The following HERC1 variants were observed in gnomAD, a reference collection of about 807,000 sequenced individuals.
The protein encoded by HERC1 is HECT and RLD domain containing E3 ubiquitin protein ligase family member 1, also known as probable E3 ubiquitin-protein ligase HERC1.
In HERC1, 160 loss-of-function variants were observed where a neutral mutation model predicts 554.3. The observed-to-expected ratio is 0.29, with a 90% CI of 0.25 to 0.33. The LOEUF is 0.33. HERC1 is among the 10% of genes least tolerant of loss of function. The pLI, the probability that HERC1 is intolerant of heterozygous loss-of-function variation, is 1.00. For synonymous variants in HERC1, 2,175 were observed against 2,131.7 expected, an observed-to-expected ratio of 1.02 and a Z score of -0.56; for missense variants, 4,919 against 5,918.5, an observed-to-expected ratio of 0.83 and a Z score of 5.54.
At chr15:63,751,595 G>A (rs1184070708) in intron 8 of HERC1, among the ~76,000 whole-genome samples, 1 of 152,184 alleles carries the variant, frequency 6.6e-6, no homozygotes, top group Non-Finnish European at 1.5e-5. Flanking sequence ...ATGGTGGGAA[G>A]TCAGTACAGA....
intron 2 of HERC1, among the ~76,000 whole-genome samples, chr15:63,764,822 A>C (rs975515453): frequency 6.6e-6 from 1 of 152,204 alleles, no homozygotes; most frequent in Non-Finnish European, 1.5e-5. Flanking sequence ...AAAAACCCTG[A>C]AACTTGTGAT....
intron 14 of HERC1, among the ~76,000 whole-genome samples, 177 bp from the exon 15 acceptor site, chr15:63,729,826 C>T (rs1384759557): frequency 6.6e-6 from 1 of 151,718 alleles, no homozygotes; most frequent in Admixed American, 6.6e-5. Flanking sequence ...AGGTTGAGAC[C>T]AGCCTGGCCA....
chr15:63,617,696 C>T (rs2067884228), intron 74 of HERC1, among the ~76,000 whole-genome samples: 1 of 152,144 alleles, frequency 6.6e-6, no homozygotes, highest in Non-Finnish European at 1.5e-5. Flanking sequence ...TTAATGATCG[C>T]CATTCTAATT....
chr15:63,824,727 T>C (rs1003706459), intron 1 of HERC1, among the ~76,000 whole-genome samples: 5 of 151,748 alleles, frequency 3.3e-5, no homozygotes, highest in African/African-American at 7.3e-5. Context: ...TATAAAGAAA[T>C]TGTGATACAA....
intron 55 of HERC1, 113 bp downstream of exon 55, chr15:63,647,956 T>A (rs904364480): frequency 1.8e-5 from 15 of 817,066 alleles, no homozygotes; most frequent in Non-Finnish European, 2.7e-5. Context: ...ACAATGTATG[T>A]CATTTGGGTG....
chr15:63,810,598 A>T (rs1445582982), intron 1 of HERC1, among the ~76,000 whole-genome samples: 1 of 152,222 alleles, frequency 6.6e-6, no homozygotes. Flanking sequence ...TATACTATGT[A>T]AGTTTCTTAA....
intron 23 of HERC1, among the ~76,000 whole-genome samples, chr15:63,713,115 C>T (rs184385181): frequency 1.3e-5 from 2 of 152,368 alleles, no homozygotes; most frequent in African/African-American, 2.4e-5. Context: ...TGCTTTTTCA[C>T]TGCTGTTGTT....
intron 26 of HERC1, among the ~76,000 whole-genome samples, chr15:63,696,934 A>T (rs986118890): frequency 3.0e-5 from 3 of 98,788 alleles, no homozygotes; most frequent in Admixed American, 9.3e-5. Context: ...CTTCTTCTTT[A>T]AAAAAAAAAA....
At chr15:63,771,322 T>A (rs2075949435) in intron 2 of HERC1, among the ~76,000 whole-genome samples, 1 of 152,186 alleles carries the variant, frequency 6.6e-6, no homozygotes, top group Non-Finnish European at 1.5e-5. Flanking sequence ...AAAACCAAGC[T>A]GAGATTTAAT....
intron 17 of HERC1, among the ~76,000 whole-genome samples, chr15:63,726,264 G>A (rs957882714): frequency 3.9e-5 from 6 of 152,192 alleles, no homozygotes; most frequent in African/African-American, 9.7e-5. Context: ...TTATAGGCAT[G>A]AGCCATCATG....
intron 1 of HERC1, among the ~76,000 whole-genome samples, chr15:63,795,381 T>C (rs947676068): frequency 1.3e-5 from 2 of 152,060 alleles, no homozygotes; most frequent in African/African-American, 4.8e-5. Flanking sequence ...TTCAGAAATG[T>C]GTATGAGAGA....
At chr15:63,656,054 A>G (rs1454369436) in intron 49 of HERC1, 34 bp downstream of exon 49, 2 of 1,604,774 alleles carry the variant, frequency 1.2e-6, no homozygotes, top group Non-Finnish European at 1.7e-6. Context: ...AGAAATAATC[A>G]ATGTAACGGG....
At chr15:63,611,940 T>C (rs1411529625) in intron 77 of HERC1, among the ~76,000 whole-genome samples, 1 of 152,160 alleles carries the variant, frequency 6.6e-6, no homozygotes, top group African/African-American at 2.4e-5. Context: ...ATCCCAGCAC[T>C]TTGGGAGGCC....
rs191420557 is a variant in HERC1 at position 63,655,667 on chromosome 15, C to T, written c.10084+75G>A. 5.8e-6 allele frequency: 6 copies of T among 1,040,978 alleles called. No homozygotes were observed. In the East Asian group the frequency reaches 7.9e-5, roughly 14 times the overall value. The allele number at this position is 1,040,978 out of a possible 1,614,324, so 64.5% of individuals were successfully genotyped here. The stretch of plus-strand genomic sequence containing the variant: ...CTCACGTCATATAATTTATCATATA[C>T]TAACAATGTAAAAACATTATTTAAA... On this transcript the variant is annotated intron_variant, in intron 50 of 77. Coordinates refer to ENST00000443617, the MANE Select transcript of HERC1 (RefSeq NM_003922.4).
Position 63,626,068 on chromosome 15 carries a change from G to T in HERC1, c.13192C>A (p.Arg4398=), listed in dbSNP as rs765021229. The T allele has an allele frequency of 1.2e-6, 2 of 1,613,184 alleles. No individual in the cohort carries two copies. Among genetic ancestry groups the T allele is most frequent in the Admixed American group, 1.7e-5 (1 of 59,922 alleles). ...ALREVSIHTV[R]ARLRLLYHFS... ...TGGTAGAGCAGCCGGAGCCTGGCCC[G>T]CACCGTGTGAATGCTGACTTCTCTC... Residue 4398 remains arginine, a synonymous_variant, in exon 71 of 78, where the codon CGG becomes AGG. Coordinates refer to ENST00000443617, the MANE Select transcript of HERC1 (RefSeq NM_003922.4).
At chr15:63,722,246 T>C (rs137979147) in intron 19 of HERC1, among the ~76,000 whole-genome samples, 11 of 152,330 alleles carry the variant, frequency 7.2e-5, no homozygotes, top group African/African-American at 2.4e-4. Flanking sequence ...TGGTACTTAA[T>C]AGTATATCTT....
rs2070166715 is a variant in HERC1, at chr15:63,658,400, C to T, written c.9599+144G>A. 6 of 608,060 alleles carry T rather than the reference C, an allele frequency of 9.9e-6. No individual in the cohort carries two copies. In the South Asian group the frequency reaches 2.0e-4, roughly 20 times the overall value. 37.7% of individuals were successfully genotyped at this position (608,060 alleles called of 1,614,324 possible). On this transcript the variant is annotated intron_variant, in intron 48 of 77. Transcript: ENST00000443617. ...ACTGAATGACCGATTGAGTGAATAA[C>T]AATGACTACGTCTAACATCTTTCAT...
Position 63,680,835 on chromosome 15 carries a change from T to A in HERC1, c.6226-59A>T. On this transcript the variant is annotated intron_variant, in intron 34 of 77. Coordinates refer to ENST00000443617, the MANE Select transcript of HERC1 (RefSeq NM_003922.4). This position sits in a 1 kb window ranked among gnomAD's most constrained non-coding sequence, Gnocchi z 5.8. The stretch of plus-strand genomic sequence containing the variant: ...AAAAATCTATTTATATACTATTAAC[T>A]GCATTAACCAATACTGAAAATATGT... 1 of 1,134,140 alleles carries A rather than the reference T, an allele frequency of 8.8e-7. No homozygotes were observed. Among genetic ancestry groups the A allele is most frequent in the African/African-American group, 1.5e-5 (1 of 64,594 alleles). 70.3% of individuals were successfully genotyped at this position (1,134,140 alleles called of 1,614,324 possible). A position where few individuals can be genotyped will look rare whatever the true frequency, so the allele number is the denominator to read the frequency against.
In HERC1 at chr15:63,698,889, G is replaced by C; in HGVS notation, c.4744C>G (p.Leu1582Val). 6.2e-7 allele frequency: 1 copy of C among 1,613,954 alleles called. No homozygotes were observed. Among genetic ancestry groups the C allele is most frequent in the Admixed American group, 1.7e-5 (1 of 60,014 alleles). ...SSYSFESDFDLTKSLGVHTLI... is the reference protein window; with the variant it reads ...SSYSFESDFDVTKSLGVHTLI... Reference sequence around the variant, plus strand: ...GTGTGAACTCCCAAAGACTTGGTAAGATCAAAATCTGACTCAAAGGAATAG... The same window carrying C: ...GTGTGAACTCCCAAAGACTTGGTAACATCAAAATCTGACTCAAAGGAATAG... The change falls in exon 26 of 78, where the codon CTT becomes GTT. Residue 1582 changes from leucine (L) to valine (V), a missense_variant. Coordinates refer to ENST00000443617, the MANE Select transcript of HERC1 (RefSeq NM_003922.4).
Sources: gnomAD v4.1 joint callset for allele counts (sites outside exome capture counted in the v4.1 genomes callset) on GRCh38, gnomAD v4.1.1 for gene constraint, Gnocchi (gnomAD v3.1) non-coding constraint, MANE v1.5 for transcripts, NCBI Gene and HGNC (gene_info 2026-07-23, HGNC 2026-07-21) for gene names.